PTPRK: variants seen among roughly 807,000 people sequenced by gnomAD.
The protein encoded by PTPRK is receptor-type tyrosine-protein phosphatase kappa.
Under a neutral mutation model 178.0 loss-of-function variants are expected in PTPRK, and 75 were observed. The observed-to-expected ratio is 0.42, with a 90% CI of 0.35 to 0.51. The LOEUF (loss-of-function observed/expected upper bound fraction) is 0.51. Ranked by LOEUF, PTPRK falls within the 20% of genes least tolerant of loss-of-function variation. PTPRK has a pLI of 0.02. For missense variants in PTPRK, 1,441 were observed against 1,797.8 expected (o/e 0.80, Z 3.59); for synonymous variants, 637 against 620.6 (o/e 1.03, Z -0.39).
intron 2 of PTPRK, among the ~76,000 whole-genome samples, chr6:128,336,427 AAT>A (rs1830938184): frequency 6.6e-6 from 1 of 152,196 alleles, no homozygotes; most frequent in Non-Finnish European, 1.5e-5. Flanking sequence ...TCAGACCAAC[AAT>A]CAAGCACAGA....
At chr6:128,096,864 A>G (rs1479153053) in intron 7 of PTPRK, among the ~76,000 whole-genome samples, 2 of 152,218 alleles carry the variant, frequency 1.3e-5, no homozygotes, top group Non-Finnish European at 2.9e-5. Flanking sequence ...CAAAGGTGAA[A>G]TAAAAAAATA....
chr6:128,344,848 C>T (rs1832195159), intron 2 of PTPRK, among the ~76,000 whole-genome samples: 1 of 151,996 alleles, frequency 6.6e-6, no homozygotes, highest in Admixed American at 6.6e-5. Context: ...CTTTTGTCTG[C>T]ACTGCTCAGC....
At chr6:128,500,517 G>A (rs1855396114) in intron 1 of PTPRK, 1 of 152,130 alleles carries the variant, frequency 6.6e-6, no homozygotes, top group African/African-American at 2.4e-5. Context: ...AGTATTATAG[G>A]CATAAAGGTA....
intron 5 of PTPRK, among the ~76,000 whole-genome samples, chr6:128,239,555 G>A (rs1004879721): frequency 1.3e-5 from 2 of 152,238 alleles, no homozygotes; most frequent in Middle Eastern, 3.4e-3. Flanking sequence ...CTTCACCTCA[G>A]ATCTGTGATT....
chr6:128,467,699 T>G (rs1850057230), intron 1 of PTPRK, among the ~76,000 whole-genome samples: 2 of 152,218 alleles, frequency 1.3e-5, no homozygotes, highest in African/African-American at 4.8e-5. Flanking sequence ...CTTTGCAAAT[T>G]CATAGTCCTC....
intron 17 of PTPRK, 95 bp downstream of exon 17, chr6:127,996,806 T>C: frequency 7.0e-7 from 1 of 1,420,920 alleles, no homozygotes; most frequent in Non-Finnish European, 9.5e-7. Context: ...GATTACTTCA[T>C]AAACAGACAC....
intron 2 of PTPRK, among the ~76,000 whole-genome samples, chr6:128,367,858 T>C (rs377352768): frequency 2.0e-5 from 3 of 152,220 alleles, no homozygotes; most frequent in African/African-American, 2.4e-5. Flanking sequence ...TACAAAGTAA[T>C]GTCCTACTTG....
chr6:128,371,170 C>A (rs771538313), intron 2 of PTPRK, among the ~76,000 whole-genome samples: 2 of 152,186 alleles, frequency 1.3e-5, no homozygotes, highest in Non-Finnish European at 2.9e-5. Context: ...AAAACACTTT[C>A]TTTGTCTTCG....
rs143005069 is a variant in PTPRK, at chr6:128,068,848, C to T, written c.1884-1056G>A. Reference sequence around the variant, plus strand: ...TGAACATAAATTGTATGCAGGGCTGCATATTGATATTCAATGGATCTCCAG... The same window carrying T: ...TGAACATAAATTGTATGCAGGGCTGTATATTGATATTCAATGGATCTCCAG... On this transcript the variant is annotated intron_variant, in intron 11 of 29. Coordinates refer to ENST00000368226, the MANE Select transcript of PTPRK (RefSeq NM_002844.4). Among the ~76,000 whole-genome samples, 1,204 of 151,092 alleles carry T rather than the reference C, an allele frequency of 8.0e-3. 35 individuals carry two copies. The highest frequency in any genetic ancestry group is 0.038 in the East Asian group (194 of 5,104).
At chr6:128,150,635 C>T (rs957196208) in intron 7 of PTPRK, among the ~76,000 whole-genome samples, 19 of 152,078 alleles carry the variant, frequency 1.2e-4, no homozygotes, top group African/African-American at 4.6e-4. Context: ...GAAAATGTGC[C>T]CTGTTATAAT....
At chr6:128,198,357 T>C (rs181213115) in intron 6 of PTPRK, among the ~76,000 whole-genome samples, 1 of 152,330 alleles carries the variant, frequency 6.6e-6, no homozygotes, top group African/African-American at 2.4e-5. Context: ...TATGTTCACA[T>C]TTAACAACTT....
chr6:128,351,065 C>T (rs965798070), intron 2 of PTPRK, among the ~76,000 whole-genome samples: 1 of 152,178 alleles, frequency 6.6e-6, no homozygotes, highest in Non-Finnish European at 1.5e-5. Flanking sequence ...AAAGAGACAG[C>T]CCTGAGTCTA....
chr6:128,170,707 A>T (rs2114643525), intron 7 of PTPRK, among the ~76,000 whole-genome samples: 1 of 152,166 alleles, frequency 6.6e-6, no homozygotes. Flanking sequence ...GAAGAAATTA[A>T]AACGACAATT....
At chr6:128,111,685 ACT>A (rs1404685638) in intron 7 of PTPRK, among the ~76,000 whole-genome samples, 1 of 151,900 alleles carries the variant, frequency 6.6e-6, no homozygotes, top group African/African-American at 2.4e-5. Flanking sequence ...CATCTGGCTA[ACT>A]CTTCTTAATT....
At position 128,009,151 on chromosome 6, in the gene PTPRK, A is replaced by C; in HGVS notation, c.2312T>G (p.Val771Gly). The C allele has an allele frequency of 6.2e-7, 1 of 1,608,838 alleles. No homozygotes were observed. Among genetic ancestry groups the C allele is most frequent in the Admixed American group, 1.7e-5 (1 of 59,640 alleles). ...TTACCTCTTTTTTACAATTAATATGACAACTAGGAGAAGGAGGATGAACAC... is the reference window on the plus strand; with the variant it reads ...TTACCTCTTTTTTACAATTAATATGCCAACTAGGAGAAGGAGGATGAACAC... ...ILVFILLLLV[V>G]ILIVKKSKLA... is the part of the protein sequence containing the mutation. The change falls in exon 14 of 30, where the codon GTC becomes GGC. Residue 771 changes from valine (V) to glycine (G), a missense_variant. Around this residue, in one of 4 missense-constraint regions of PTPRK, gnomAD observed 945 missense variants for 1,080.6 expected, o/e 0.87. Coordinates refer to ENST00000368226, the MANE Select transcript of PTPRK (RefSeq NM_002844.4).
chr6:128,397,829 T>A, intron 1 of PTPRK, 141 bp from the exon 2 acceptor site: 1 of 811,736 alleles, frequency 1.2e-6, no homozygotes, highest in South Asian at 2.7e-5. Flanking sequence ...TTATCACTAT[T>A]CTCTTTAAAT....
Position 128,282,743 on chromosome 6 carries a change from C to G in PTPRK, c.495+39296G>C, listed in dbSNP as rs528792881. ...TGCTGAATACCCTATCCAGCCCTAT[C>G]TATCTCATAGGGATTCTGTAAAGAT... is the stretch of plus-strand genomic sequence containing the variant. On this transcript the variant is annotated intron_variant, in intron 3 of 29. Coordinates refer to ENST00000368226, the MANE Select transcript of PTPRK (RefSeq NM_002844.4). Among the ~76,000 whole-genome samples, 15 of 152,274 alleles carry G rather than the reference C, an allele frequency of 9.9e-5. No homozygotes were observed. In the East Asian group the frequency reaches 2.3e-3, roughly 23 times the overall value.
chr6:127,992,720 A>G lies in PTPRK; in HGVS notation c.2845-11T>C. ...TGGTCTCTGGTAGCCCTAAAATAAG[A>G]GAACAAATTAGTTATCATTTTACAT... On this transcript the variant is annotated splice_polypyrimidine_tract_variant and intron_variant, in intron 18 of 29. Transcript: ENST00000368226. 1.3e-6 allele frequency: 2 copies of G among 1,570,260 alleles called. No homozygotes were observed. Among genetic ancestry groups the G allele is most frequent in the Non-Finnish European group, 1.7e-6 (2 of 1,158,278 alleles).
At chr6:128,194,102 A>ATTATTATTATTATTATTT (rs202171859) in intron 6 of PTPRK, among the ~76,000 whole-genome samples, 2 of 145,612 alleles carry the variant, frequency 1.4e-5, no homozygotes, top group East Asian at 4.0e-4. Flanking sequence ...TATTATTATT[A>ATTATTATTATTATTATTT]GGAAACGGAG....
Sources: allele counts gnomAD v4.1 joint callset (sites outside exome capture counted in the v4.1 genomes callset), GRCh38; gene constraint gnomAD v4.1.1; regional missense constraint gnomAD v4.1.1; transcripts MANE v1.5; gene names NCBI Gene and HGNC (gene_info 2026-07-23, HGNC 2026-07-21).